The following ZAN variants were observed in gnomAD, a reference collection of about 807,000 sequenced individuals.
ZAN encodes zonadhesin, also known as zonadhesin (gene/pseudogene).
A neutral mutation model predicts 286.2 loss-of-function variants in ZAN; 260 were observed. The ratio of observed to expected loss-of-function variants is 0.91; its 90% CI spans 0.82 to 1.01. The LOEUF (loss-of-function observed/expected upper bound fraction) is 1.01, where lower values mean the gene tolerates loss of function less well. ZAN is among the 50% of genes least tolerant of loss of function. The probability of loss-of-function intolerance (pLI) is 0.00; values close to 1 mark genes in which losing one functional copy is unlikely to be tolerated. For missense variants in ZAN, 3,410 were observed against 3,639.2 expected, an observed-to-expected ratio of 0.94 and a Z score of 1.62; for synonymous variants, 1,368 against 1,417.5, an observed-to-expected ratio of 0.97 and a Z score of 0.79.
chr7:100,776,801 C>T (rs1186411091), intron 34 of ZAN, among the ~76,000 whole-genome samples: 8 of 127,282 alleles, frequency 6.3e-5, no homozygotes, highest in East Asian at 2.7e-4. Context: ...GGCGCAATCT[C>T]GGCTCACTGC....
At chr7:100,770,017 A>G (rs1456052797) in intron 28 of ZAN, 43 bp downstream of exon 28, 19 of 1,526,758 alleles carry the variant, frequency 1.2e-5, no homozygotes, top group Non-Finnish European at 1.6e-5. Flanking sequence ...CCTGAAGGAC[A>G]GGAGGCTGGG....
Position 100,767,910 on chromosome 7 carries a change from T to C in ZAN, c.4940T>C (p.Leu1647Pro). Residue 1647 changes from leucine (L) to proline (P), a missense_variant, in exon 26 of 48, where the codon CTC (leucine) becomes CCC (proline). Around this residue, in one of 7 missense-constraint regions of ZAN, gnomAD observed 1,042 missense variants for 1,058.0 expected, o/e 0.98. Transcript: ENST00000613979. ...VTIRLSSNLV[L>P]LYTNFGLQVR... ...ATAAGGCTCAGCAGCAACCTCGTCC[T>C]CCTCTACACGAACTTTGGGCTCCAA... 6.2e-7 allele frequency: 1 copy of C among 1,613,824 alleles called. No homozygotes were observed. The highest frequency in any genetic ancestry group is 8.5e-7 in the Non-Finnish European group (1 of 1,179,842).
intron 26 of ZAN, among the ~76,000 whole-genome samples, chr7:100,768,369 G>A (rs757226239): frequency 1.1e-4 from 17 of 152,316 alleles, no homozygotes; most frequent in Non-Finnish European, 1.6e-4. Context: ...CTATTTGGGA[G>A]GCTGACGCGG....
chr7:100,738,864 C>CTCTTCT (rs201544312), intron 7 of ZAN, among the ~76,000 whole-genome samples: 4 of 79,278 alleles, frequency 5.0e-5, no homozygotes, highest in Non-Finnish European at 9.2e-5. Context: ...CTTTCTCTTC[C>CTCTTCT]TCTTCTTCTT....
chr7:100,751,640 AG>A (rs1808671014), intron 13 of ZAN, 71 bp from the exon 14 acceptor site: 1 of 1,486,248 alleles, frequency 6.7e-7, no homozygotes, highest in South Asian at 1.4e-5. Flanking sequence ...AGCCCACTCC[AG>A]TTAGATGGCA....
intron 45 of ZAN, 130 bp from the exon 46 acceptor site, chr7:100,797,236 C>A: frequency 1.2e-6 from 1 of 815,436 alleles, no homozygotes; most frequent in Non-Finnish European, 2.0e-6. Context: ...GAGGAAGAAG[C>A]AGACACACCT....
intron 13 of ZAN, 28 bp from the exon 14 acceptor site, chr7:100,751,684 C>G (rs1254852805): frequency 6.4e-7 from 1 of 1,556,792 alleles, no homozygotes; most frequent in Non-Finnish European, 8.6e-7. Context: ...TTTGACTAAA[C>G]TCCAGGGATT....
At position 100,795,216 on chromosome 7, in the gene ZAN, C is replaced by T. The variant is rs1473375356; in HGVS notation, c.8146C>T (p.Pro2716Ser). ...TGCAGAAAGCCCGTGTCTGCAGAAC[C>T]CCTGTCAGAATGACGGGCAGTGTCG... is the stretch of plus-strand genomic sequence containing the variant. ...CFPESPCLQN[P>S]CQNDGQCREQ... Residue 2716 changes from proline (P) to serine (S), a missense_variant, in exon 45 of 48, where the codon CCC (proline) becomes TCC (serine). Pro to Ser is a moderately conservative substitution (Grantham distance 74). This residue lies in a region of ZAN where 1,289 missense variants were observed against 1,314.3 expected (regional missense o/e 0.98). Coordinates refer to ENST00000613979, the MANE Select transcript of ZAN (RefSeq NM_003386.3). 6.2e-7 allele frequency: 1 copy of T among 1,610,832 alleles called. No individual in the cohort carries two copies.
chr7:100,769,180 G>A (rs1176028990), intron 27 of ZAN, among the ~76,000 whole-genome samples: 2 of 151,692 alleles, frequency 1.3e-5, no homozygotes, highest in Admixed American at 6.6e-5. Context: ...TGCAACTTCC[G>A]CCTCCCAGGT....
chr7:100,790,398 T>G (rs561661380), intron 39 of ZAN, among the ~76,000 whole-genome samples: 5 of 149,348 alleles, frequency 3.3e-5, no homozygotes, highest in Non-Finnish European at 7.4e-5. Context: ...CTGTCTCTAC[T>G]GAAAATACTA....
Position 100,782,994 on chromosome 7 carries a change from G to A in ZAN, c.6623-1629G>A, listed in dbSNP as rs377432906. 2.0e-5 allele frequency among the ~76,000 whole-genome samples: 3 copies of A among 152,152 alleles called. No individual in the cohort carries two copies. The East Asian group carries it at 5.8e-4, about 29-fold the overall frequency. On this transcript the variant is annotated intron_variant, in intron 35 of 47. Coordinates refer to ENST00000613979, the MANE Select transcript of ZAN (RefSeq NM_003386.3). ...ATTTAAAATGAGCTTTGGGCTGGGC[G>A]CTGTGGCTTACGCCTGTAATCCCAG...
chr7:100,767,395 C>A, intron 25 of ZAN, 138 bp downstream of exon 25: 2 of 1,218,974 alleles, frequency 1.6e-6, no homozygotes, highest in South Asian at 3.1e-5. Context: ...CCCAGACCCT[C>A]TTCTCTGGAC....
At chr7:100,762,102 C>T in intron 19 of ZAN, 113 bp from the exon 20 acceptor site, 2 of 1,363,516 alleles carry the variant, frequency 1.5e-6, no homozygotes, top group Non-Finnish European at 2.0e-6. Context: ...ACCTCTTCAT[C>T]CTCCTCACGC....
intron 35 of ZAN, among the ~76,000 whole-genome samples, chr7:100,781,080 A>G (rs1055811546): frequency 1.3e-5 from 2 of 151,804 alleles, no homozygotes; most frequent in Admixed American, 1.3e-4. Flanking sequence ...TTTTATATAT[A>G]TTTTTTGAGA....
chr7:100,789,850 C>A (rs1326364916), intron 39 of ZAN, among the ~76,000 whole-genome samples: 2 of 151,982 alleles, frequency 1.3e-5, no homozygotes, highest in Admixed American at 1.3e-4. Context: ...GATGCTGAGG[C>A]AGGAGAATCG....
intron 39 of ZAN, among the ~76,000 whole-genome samples, chr7:100,789,699 C>G (rs750223450): frequency 1.3e-5 from 2 of 151,968 alleles, no homozygotes; most frequent in Non-Finnish European, 2.9e-5. Flanking sequence ...AATCCCAGCA[C>G]TTTGGGAGGC....
intron 7 of ZAN, among the ~76,000 whole-genome samples, chr7:100,743,421 C>G (rs1807953971): frequency 6.6e-6 from 1 of 152,090 alleles, no homozygotes; most frequent in Admixed American, 6.6e-5. Flanking sequence ...CTGTTGACTT[C>G]TTCCTTTTCT....
In ZAN at chr7:100,737,448, T is replaced by C. The variant is rs142166377; in HGVS notation, c.613+99T>C. On this transcript the variant is annotated intron_variant, in intron 6 of 47. Coordinates refer to ENST00000613979, the MANE Select transcript of ZAN (RefSeq NM_003386.3). ...CAGGGCGGGCGCGGTGGCTCATGCCTGTAATCCCAGCACTTTGGGAGGCCG... is the reference window on the plus strand; with the variant it reads ...CAGGGCGGGCGCGGTGGCTCATGCCCGTAATCCCAGCACTTTGGGAGGCCG... 1.8e-3 allele frequency: 1,607 copies of C among 874,978 alleles called. 215 individuals carry two copies. The African/African-American group carries it at 0.024, about 13-fold the overall frequency. The allele number at this position is 874,978 out of a possible 1,614,324, so 54.2% of individuals were successfully genotyped here.
chr7:100,746,574 G>A lies in ZAN; in HGVS notation c.803G>A (p.Arg268Lys). Residue 268 changes from arginine to lysine, a missense_variant, in exon 8 of 48, where the codon AGA (arginine) becomes AAA (lysine). Physicochemically the swap from Arg to Lys is conservative, Grantham distance 26 (BLOSUM62 2). Around this residue, in one of 7 missense-constraint regions of ZAN, gnomAD observed 872 missense variants for 938.9 expected, o/e 0.93. Transcript: ENST00000613979. ...CYMLLDPKNA[R>K]PGQKAVLLSP... ...ATGCTCCTGGACCCCAAGAATGCAA[G>A]ACCTGGGCAGAAAGCTGTCCTCCTG... The A allele has an allele frequency of 1.2e-6, 2 of 1,613,956 alleles. No homozygotes were observed. The highest frequency in any genetic ancestry group is 1.7e-6 in the Non-Finnish European group (2 of 1,179,890).
Sources: gnomAD v4.1 joint callset for allele counts (sites outside exome capture counted in the v4.1 genomes callset) on GRCh38, gnomAD v4.1.1 for gene constraint, gnomAD v4.1.1 regional missense constraint, MANE v1.5 for transcripts, NCBI Gene and HGNC (gene_info 2026-07-23, HGNC 2026-07-21) for gene names.